The following TTC7B variants were observed in gnomAD, a reference collection of about 807,000 sequenced individuals.
TTC7B encodes tetratricopeptide repeat domain 7B.
Under a neutral mutation model 106.8 loss-of-function variants are expected in TTC7B, and 28 were observed. The ratio of observed to expected loss-of-function variants is 0.26; its 90% confidence interval spans 0.19 to 0.36. TTC7B has a LOEUF of 0.36. Among genes scored for constraint, TTC7B ranks in the 10% least tolerant of loss-of-function variants. TTC7B has a pLI of 1.00. For synonymous variants in TTC7B, 405 were observed against 430.6 expected (o/e 0.94, Z 0.74); for missense variants, 862 against 1,076.4 (o/e 0.80, Z 2.79).
intron 9 of TTC7B, among the ~76,000 whole-genome samples, chr14:90,659,235 G>C (rs570791634): frequency 5.3e-5 from 8 of 151,694 alleles, no homozygotes; most frequent in African/African-American, 1.9e-4. Context: ...GTGTGTGAGA[G>C]AGAGAGAGTG....
At chr14:90,666,900 G>A (rs779766034) in intron 9 of TTC7B, among the ~76,000 whole-genome samples, 4 of 152,194 alleles carry the variant, frequency 2.6e-5, no homozygotes, top group Non-Finnish European at 5.9e-5. Flanking sequence ...TCAACTCTAC[G>A]AATCAAGTAG....
rs1891293271 is a variant in TTC7B at position 90,577,197 on chromosome 14, A to C, written c.2310+909T>G. Among the ~76,000 whole-genome samples, 1 of 152,162 alleles carries C rather than the reference A, an allele frequency of 6.6e-6. No individual in the cohort carries two copies. The highest frequency in any genetic ancestry group is 6.5e-5 in the Admixed American group (1 of 15,278). ...CGATGTCTACTGCTAAAAATGAAAC[A>C]ACAATTCAGAACCAAAGCCCAGCAT... On this transcript the variant is annotated intron_variant, in intron 19 of 19. Coordinates refer to ENST00000328459, the MANE Select transcript of TTC7B (RefSeq NM_001010854.2). This position sits in a 1 kb window ranked among gnomAD's most constrained non-coding sequence, Gnocchi z 5.0.
At chr14:90,677,242 T>C (rs939663549) in intron 8 of TTC7B, among the ~76,000 whole-genome samples, 15 of 152,172 alleles carry the variant, frequency 9.9e-5, no homozygotes, top group African/African-American at 3.4e-4. Context: ...TCAATCTTGT[T>C]TAAGGAAGCA....
rs547426448 is a variant in TTC7B, at chr14:90,687,185, A to T, written c.950+2355T>A. ...TGAATTGCACACCTTCAATGGATGAATTGTATAATATGTGAATTATGTTTC... is the reference window on the plus strand; with the variant it reads ...TGAATTGCACACCTTCAATGGATGATTTGTATAATATGTGAATTATGTTTC... On this transcript the variant is annotated intron_variant, in intron 7 of 19. Coordinates refer to ENST00000328459, the MANE Select transcript of TTC7B (RefSeq NM_001010854.2). Among the ~76,000 whole-genome samples, 718 of 152,298 alleles carry T rather than the reference A, an allele frequency of 4.7e-3. 4 individuals are homozygous for T. The highest frequency in any genetic ancestry group is 7.5e-3 in the Non-Finnish European group (512 of 68,020).
intron 15 of TTC7B, among the ~76,000 whole-genome samples, chr14:90,628,701 C>T (rs1198411137): frequency 6.6e-6 from 1 of 152,240 alleles, no homozygotes; most frequent in Non-Finnish European, 1.5e-5. Context: ...GATGATGTGT[C>T]TCTCTGGGCT....
rs1054589104 is a variant in TTC7B, at chr14:90,608,160, T to C, written c.1966+2582A>G. ...CTTGACTGCACCATGAGCTGAACCA[T>C]ATGCAACTGGGCTTTATTAATCAAG... is the stretch of plus-strand genomic sequence containing the variant. On this transcript the variant is annotated intron_variant, in intron 17 of 19. Transcript: ENST00000328459. This position sits in a 1 kb window ranked among gnomAD's most constrained non-coding sequence, Gnocchi z 5.1. Among the ~76,000 whole-genome samples, 4 of 152,224 alleles carry C rather than the reference T, an allele frequency of 2.6e-5. No individual in the cohort carries two copies. The highest frequency in any genetic ancestry group is 5.9e-5 in the Non-Finnish European group (4 of 68,044).
chr14:90,656,955 A>C (rs554633616), intron 11 of TTC7B, among the ~76,000 whole-genome samples: 177 of 151,946 alleles, frequency 1.2e-3, no homozygotes, highest in African/African-American at 4.2e-3. Flanking sequence ...ATAGGAAAAA[A>C]CCCCTGGAGT....
intron 14 of TTC7B, among the ~76,000 whole-genome samples, chr14:90,646,259 TACC>T (rs1223939398): frequency 6.6e-6 from 1 of 152,178 alleles, no homozygotes; most frequent in African/African-American, 2.4e-5. Context: ...GTGCTGGGGT[TACC>T]ACCAGTGTCT....
chr14:90,702,198 T>A (rs1888018830), intron 5 of TTC7B, among the ~76,000 whole-genome samples: 1 of 152,204 alleles, frequency 6.6e-6, no homozygotes, highest in Admixed American at 6.5e-5. Context: ...ACAGTTTCCT[T>A]ATAAAATGGA....
intron 13 of TTC7B, among the ~76,000 whole-genome samples, chr14:90,651,001 C>CA (rs1480364057): frequency 6.6e-6 from 1 of 152,232 alleles, no homozygotes; most frequent in Non-Finnish European, 1.5e-5. Flanking sequence ...TCTGCAACCC[C>CA]ATCCCTTCCT....
At chr14:90,750,900 G>A (rs1280855191) in intron 3 of TTC7B, among the ~76,000 whole-genome samples, 2 of 152,194 alleles carry the variant, frequency 1.3e-5, no homozygotes, top group African/African-American at 4.8e-5. Context: ...CTCTCTGTCA[G>A]AAGCTATTTA....
At chr14:90,634,738 C>T (rs1020035819) in intron 15 of TTC7B, among the ~76,000 whole-genome samples, 1 of 152,076 alleles carries the variant, frequency 6.6e-6, no homozygotes, top group Non-Finnish European at 1.5e-5. Flanking sequence ...TGCCACTGCA[C>T]ACCAGCCTGG....
chr14:90,717,366 T>C (rs945315150), intron 5 of TTC7B, among the ~76,000 whole-genome samples: 1 of 151,020 alleles, frequency 6.6e-6, no homozygotes, highest in Non-Finnish European at 1.5e-5. Flanking sequence ...AAAGAAATAA[T>C]CCGTGACTTT....
chr14:90,677,008 C>G (rs187431177), intron 8 of TTC7B, among the ~76,000 whole-genome samples: 1 of 152,126 alleles, frequency 6.6e-6, no homozygotes, highest in Non-Finnish European at 1.5e-5. Context: ...CTAGAGCAGC[C>G]GAATCATCCA....
chr14:90,758,559 C>A (rs150341282), intron 3 of TTC7B, among the ~76,000 whole-genome samples: 2,813 of 152,312 alleles, frequency 0.018, 42 homozygotes, highest in East Asian at 0.085. Context: ...CGCGACTGCG[C>A]TAGAACGCGG....
chr14:90,729,117 A>T (rs745991396), intron 5 of TTC7B, among the ~76,000 whole-genome samples: 2 of 152,216 alleles, frequency 1.3e-5, no homozygotes, highest in African/African-American at 2.4e-5. Flanking sequence ...AGGCCTCTGG[A>T]CCAAAGCAGG....
chr14:90,769,415 C>T (rs568536480), intron 3 of TTC7B, among the ~76,000 whole-genome samples: 3 of 152,208 alleles, frequency 2.0e-5, no homozygotes, highest in South Asian at 4.1e-4. Context: ...AACTATATGC[C>T]GTCTACAAGA....
intron 1 of TTC7B, among the ~76,000 whole-genome samples, chr14:90,796,197 C>A (rs1398646972): frequency 6.6e-6 from 1 of 152,176 alleles, no homozygotes; most frequent in Non-Finnish European, 1.5e-5. Flanking sequence ...AAGTCCCTCT[C>A]CTTCACTTGC....
rs143077958 is a variant in TTC7B, at chr14:90,655,015, C to T, written c.1437G>A (p.Thr479=). The T allele has an allele frequency of 8.7e-6, 14 of 1,613,982 alleles. No homozygotes were observed. Among genetic ancestry groups the T allele is most frequent in the African/African-American group, 5.3e-5 (4 of 75,060 alleles). The change falls in exon 12 of 20, where the codon ACG becomes ACA. Residue 479 remains threonine, a synonymous_variant. Transcript: ENST00000328459. ...CACCGTCAGTGGCCTGCAGACTGTA[C>T]GTGAGCCCCAGAGCTAAGTAGCCTT... ...KAKGYLALGL[T]YSLQATDASL...
Sources: gnomAD v4.1 joint callset for allele counts (sites outside exome capture counted in the v4.1 genomes callset) on GRCh38, gnomAD v4.1.1 for gene constraint, Gnocchi (gnomAD v3.1) non-coding constraint, MANE v1.5 for transcripts, NCBI Gene and HGNC (gene_info 2026-07-23, HGNC 2026-07-21) for gene names.